Variants in MNS1 observed in about 807,000 individuals in gnomAD.
MNS1 encodes the protein meiosis specific nuclear structural 1, also known as meiosis-specific nuclear structural protein 1.
MNS1 carries 63 observed loss-of-function variants against 72.0 expected under a neutral mutation model. The ratio of observed to expected loss-of-function variants is 0.87; its 90% CI spans 0.71 to 1.08. MNS1 has a LOEUF of 1.08. Among genes scored for constraint, MNS1 ranks in the 50% least tolerant of loss-of-function variants. The pLI is 0.00. For missense variants in MNS1, 604 were observed against 562.4 expected, an observed-to-expected ratio of 1.07 and a Z score of -0.75; for synonymous variants, 188 against 172.1, an observed-to-expected ratio of 1.09 and a Z score of -0.72.
At chr15:56,454,552 AATC>A (rs2050969221) in intron 3 of MNS1, among the ~76,000 whole-genome samples, 1 of 152,096 alleles carries the variant, frequency 6.6e-6, no homozygotes, top group South Asian at 2.1e-4. Flanking sequence ...CTTTGGAGAT[AATC>A]ATCTTTTTTG....
At position 56,443,729 on chromosome 15, in the gene MNS1, A is replaced by G. The variant is rs574200232; in HGVS notation, c.812T>C (p.Ile271Thr). 20 of 1,613,160 alleles carry G rather than the reference A, an allele frequency of 1.2e-5. No homozygotes were observed. In the African/African-American group the frequency reaches 1.3e-4, roughly 11 times the overall value. Residue 271 changes from isoleucine to threonine, a missense_variant, in exon 6 of 10, where the codon ATA (isoleucine) becomes ACA (threonine). Ile to Thr is a moderately conservative substitution (Grantham distance 89, BLOSUM62 -1). Transcript: ENST00000260453. ...TTGCTGCTGCATGTTAGCAAACTCT[A>G]TGATTTTTCTGTTTTCTTCTTCCAT... ...EEMEEENRKI[I>T]EFANMQQQRE...
chr15:56,432,700 T>G (rs2050628948), intron 8 of MNS1, among the ~76,000 whole-genome samples: 1 of 152,214 alleles, frequency 6.6e-6, no homozygotes, highest in Non-Finnish European at 1.5e-5. Context: ...TGCTAACTTT[T>G]CCAGGAGCTT....
At chr15:56,449,662 A>G (rs2050934898) in intron 3 of MNS1, among the ~76,000 whole-genome samples, 1 of 152,116 alleles carries the variant, frequency 6.6e-6, no homozygotes, top group Non-Finnish European at 1.5e-5. Flanking sequence ...TTTGTCCTGA[A>G]TGTTTGGTAA....
At chr15:56,448,102 A>G (rs1474179479) in intron 3 of MNS1, among the ~76,000 whole-genome samples, 2 of 152,214 alleles carry the variant, frequency 1.3e-5, no homozygotes, top group Admixed American at 6.5e-5. Context: ...TAAAGCTGCT[A>G]TGGAAATTTG....
At chr15:56,464,338 T>C in intron 1 of MNS1, 91 bp from the exon 2 acceptor site, 1 of 931,692 alleles carries the variant, frequency 1.1e-6, no homozygotes. Context: ...TAAGAAAGGA[T>C]ACGAAGAGCC....
At chr15:56,432,505 TG>T (rs1456492107) in intron 8 of MNS1, among the ~76,000 whole-genome samples, 1 of 152,182 alleles carries the variant, frequency 6.6e-6, no homozygotes, top group African/African-American at 2.4e-5. Flanking sequence ...GATCTGTCCT[TG>T]ACTTGGGGCC....
rs148124366 is a variant in MNS1 at position 56,453,027 on chromosome 15, C to G, written c.353+3367G>C. On this transcript the variant is annotated intron_variant, in intron 3 of 9. Transcript: ENST00000260453. The stretch of plus-strand genomic sequence containing the variant: ...AATTCCTATTATCGTATTTTATTCT[C>G]TATTAGTCAGTTATATTTTCTTTTC... Among the ~76,000 whole-genome samples the G allele has an allele frequency of 2.7e-3, 409 of 152,216 alleles. 3 individuals carry two copies. Among genetic ancestry groups the G allele is most frequent in the African/African-American group, 9.4e-3 (389 of 41,554 alleles).
In MNS1 at chr15:56,446,950, A is replaced by C. The variant is rs765202195; in HGVS notation, c.354-7T>G. 2 of 1,584,124 alleles carry C rather than the reference A, an allele frequency of 1.3e-6. No individual in the cohort carries two copies. Among genetic ancestry groups the C allele is most frequent in the South Asian group, 1.1e-5 (1 of 90,030 alleles). On this transcript the variant is annotated splice_polypyrimidine_tract_variant and splice_region_variant and intron_variant, in intron 3 of 9. Transcript: ENST00000260453. ...CAATTCTCTAAGCTCAATGCTGTTT[A>C]AAAAAACAAAAACAAATTTAAATGT...
chr15:56,458,627 A>G (rs1323092311), intron 2 of MNS1, among the ~76,000 whole-genome samples: 1 of 152,024 alleles, frequency 6.6e-6, no homozygotes, highest in Non-Finnish European at 1.5e-5. Context: ...CCTCCCTAAA[A>G]TCCTAAAAAC....
rs375180441 is a variant in MNS1, at chr15:56,458,286, TA to T, written c.226-1766del. Among the ~76,000 whole-genome samples, 242 of 152,012 alleles carry T rather than the reference TA, an allele frequency of 1.6e-3. 2 individuals are homozygous for T. Among genetic ancestry groups the T allele is most frequent in the African/African-American group, 5.4e-3 (222 of 41,472 alleles). ...TCACCACTATCTAGTTCCAGAGCCT[TA>T]AAAAAAATAGACTTTGAAGTTTTGG... On this transcript the variant is annotated intron_variant, in intron 2 of 9. Coordinates refer to ENST00000260453, the MANE Select transcript of MNS1 (RefSeq NM_018365.4).
At chr15:56,432,297 G>A (rs376880736) in intron 8 of MNS1, among the ~76,000 whole-genome samples, 17 of 152,150 alleles carry the variant, frequency 1.1e-4, no homozygotes, top group African/African-American at 3.1e-4. Context: ...AGGCAGTTAC[G>A]AAATCAACTT....
At position 56,444,496 on chromosome 15, in the gene MNS1, C is replaced by T. The variant is rs1306855054; in HGVS notation, c.634G>A (p.Glu212Lys). The stretch of plus-strand genomic sequence containing the variant: ...ACAATTTCATCAATCATGAGTTTCT[C>T]TTTTAGCAGCTGCTCATAAGCTTCC... ...KQEAYEQLLKEKLMIDEIVRK... is the reference protein window; with the variant it reads ...KQEAYEQLLKKKLMIDEIVRK... The change falls in exon 5 of 10, where the codon GAG (glutamate) becomes AAG (lysine). Residue 212 changes from glutamate to lysine, a missense_variant. Glu to Lys is a moderately conservative substitution (Grantham distance 56, BLOSUM62 1). Transcript: ENST00000260453. The T allele has an allele frequency of 1.2e-6, 2 of 1,609,734 alleles. No homozygotes were observed. The highest frequency in any genetic ancestry group is 1.7e-5 in the Admixed American group (1 of 59,622).
rs762183093 is a variant in MNS1, at chr15:56,444,559, A to C, written c.571T>G (p.Leu191Val). 6.2e-7 allele frequency: 1 copy of C among 1,612,900 alleles called. No homozygotes were observed. The highest frequency in any genetic ancestry group is 1.7e-5 in the Admixed American group (1 of 59,956). The change falls in exon 5 of 10, where the codon TTA (leucine) becomes GTA (valine). Residue 191 changes from leucine to valine, a missense_variant. Transcript: ENST00000260453. Reference protein sequence around the residue: ...NKAKAQYYLDLEKQLEEQEKK... With the variant: ...NKAKAQYYLDVEKQLEEQEKK... Reference sequence around the variant, plus strand: ...TCTTGTTCTTCAAGTTGTTTCTCTAAGTCAAGATAGTACTGTGCTTTCGCT... The same window carrying C: ...TCTTGTTCTTCAAGTTGTTTCTCTACGTCAAGATAGTACTGTGCTTTCGCT...
intron 7 of MNS1, among the ~76,000 whole-genome samples, chr15:56,443,158 A>G (rs2050848127): frequency 1.3e-5 from 2 of 152,204 alleles, no homozygotes; most frequent in South Asian, 4.1e-4. Context: ...ATCTTTCACC[A>G]TCCTTTTGCT....
chr15:56,441,830 C>T lies in MNS1; in HGVS notation c.1011+1600G>A, dbSNP rs186127543. ...GAGATCGAGACCATCCTGGCTAACACGGTGAAACCCCATCTCTACTAAAAA... is the reference window on the plus strand; with the variant it reads ...GAGATCGAGACCATCCTGGCTAACATGGTGAAACCCCATCTCTACTAAAAA... On this transcript the variant is annotated intron_variant, in intron 7 of 9. Coordinates refer to ENST00000260453, the MANE Select transcript of MNS1 (RefSeq NM_018365.4). Among the ~76,000 whole-genome samples the T allele has an allele frequency of 2.5e-3, 387 of 151,990 alleles. 2 individuals carry two copies. Among genetic ancestry groups the T allele is most frequent in the Middle Eastern group, 6.8e-3 (2 of 294 alleles).
chr15:56,453,911 C>T (rs1228609488), intron 3 of MNS1, among the ~76,000 whole-genome samples: 1 of 152,014 alleles, frequency 6.6e-6, no homozygotes, highest in African/African-American at 2.4e-5. Flanking sequence ...ATTAAAAAAG[C>T]TAAATCTTAA....
At chr15:56,443,319 T>A in intron 7 of MNS1, 111 bp downstream of exon 7, 1 of 753,226 alleles carries the variant, frequency 1.3e-6, no homozygotes, top group Non-Finnish European at 2.0e-6. Flanking sequence ...ACCATTTACA[T>A]ATAATGTAAT....
intron 2 of MNS1, among the ~76,000 whole-genome samples, chr15:56,461,671 A>AC (rs2051021739): frequency 6.6e-6 from 1 of 151,158 alleles, no homozygotes; most frequent in South Asian, 2.1e-4. Flanking sequence ...AAAAAAAAAA[A>AC]AAAAAAAAAA....
intron 7 of MNS1, among the ~76,000 whole-genome samples, chr15:56,436,773 A>C (rs913250644): frequency 1.3e-5 from 2 of 152,180 alleles, no homozygotes; most frequent in Admixed American, 6.5e-5. Context: ...GATAAAGGGG[A>C]TATCACCACA....
Sources: allele counts gnomAD v4.1 joint callset (sites outside exome capture counted in the v4.1 genomes callset), GRCh38; gene constraint gnomAD v4.1.1; transcripts MANE v1.5; gene names NCBI Gene and HGNC (gene_info 2026-07-23, HGNC 2026-07-21).